SNX7: variants seen among roughly 807,000 people sequenced by gnomAD.
SNX7 encodes sorting nexin-7.
Under a neutral mutation model 48.4 loss-of-function variants are expected in SNX7, and 35 were observed. The observed-to-expected ratio is 0.72, with a 90% CI of 0.55 to 0.96. SNX7 has a LOEUF of 0.96. SNX7 is among the 40% of genes least tolerant of loss of function. The pLI is 0.00. For synonymous variants in SNX7, 190 were observed against 190.2 expected, an observed-to-expected ratio of 1.00 and a Z score of 0.01; for missense variants, 553 against 548.9, an observed-to-expected ratio of 1.01 and a Z score of -0.07.
chr1:98,663,252 GGTTTTTTTTTTTTTTTTTTTTTTTTTTT>G (rs1297009562), intron 1 of SNX7, among the ~76,000 whole-genome samples: 1 of 83,158 alleles, frequency 1.2e-5, no homozygotes, highest in East Asian at 4.0e-4. Context: ...GTTTCTTTCT[GGTTTTTTTTTTTTTTTTTTTTTTTTTTT>G]TTTTTTTTTT....
intron 7 of SNX7, among the ~76,000 whole-genome samples, chr1:98,731,658 T>C (rs1442841149): frequency 6.6e-6 from 1 of 152,126 alleles, no homozygotes; most frequent in Non-Finnish European, 1.5e-5. Flanking sequence ...ACCAAGGCTC[T>C]GTGGTGTAGC....
At chr1:98,672,900 C>T (rs11581182) in intron 1 of SNX7, among the ~76,000 whole-genome samples, 32,172 of 129,820 alleles carry the variant, frequency 0.25, 3,785 homozygotes, top group East Asian at 0.33. Context: ...GTCCGCAGTC[C>T]GGCCTGGGCG....
In SNX7 at chr1:98,691,086, G is replaced by C. The variant is rs555559249; in HGVS notation, c.375G>C (p.Gly125=). The change falls in exon 3 of 9, where the codon GGG becomes GGC. Residue 125 remains glycine, a synonymous_variant. Coordinates refer to ENST00000306121, the MANE Select transcript of SNX7 (RefSeq NM_015976.5). Reference sequence around the variant, plus strand: ...CTTACTTTCTTCAGACATCTCGTGGGGAATTTGACTCCAGTGAATTTGAAG... The same window carrying C: ...CTTACTTTCTTCAGACATCTCGTGGCGAATTTGACTCCAGTGAATTTGAAG... ...TYRIITKTSR[G]EFDSSEFEVR... 28 of 1,604,050 alleles carry C rather than the reference G, an allele frequency of 1.7e-5. No homozygotes were observed. The South Asian group carries it at 3.0e-4, about 17-fold the overall frequency.
chr1:98,717,149 A>C (rs1652636457), intron 7 of SNX7, among the ~76,000 whole-genome samples: 1 of 152,140 alleles, frequency 6.6e-6, no homozygotes, highest in African/African-American at 2.4e-5. Flanking sequence ...TTATGTGTTA[A>C]CTAGATCAAC....
intron 1 of SNX7, chr1:98,662,949 A>AT: frequency 1.3e-6 from 1 of 780,650 alleles, no homozygotes; most frequent in South Asian, 1.8e-5. Flanking sequence ...AAATGGAATG[A>AT]TAGGCCCAGG....
intron 1 of SNX7, among the ~76,000 whole-genome samples, chr1:98,677,945 G>C (rs1193890574): frequency 6.6e-6 from 1 of 151,274 alleles, no homozygotes; most frequent in Non-Finnish European, 1.5e-5. Context: ...TTTTATATCT[G>C]TATCTAGCCA....
chr1:98,694,826 T>G (rs1651362323), intron 4 of SNX7, among the ~76,000 whole-genome samples: 1 of 151,752 alleles, frequency 6.6e-6, no homozygotes, highest in South Asian at 2.1e-4. Flanking sequence ...GCCAGGGTAG[T>G]CTCGATCTCC....
In SNX7 at chr1:98,664,554, ATTATT is replaced by A. The variant is rs1221942696; in HGVS notation, c.180+2646_180+2650del. On this transcript the variant is annotated intron_variant, in intron 1 of 8. Coordinates refer to ENST00000306121, the MANE Select transcript of SNX7 (RefSeq NM_015976.5). ...CAAAAGAAAAACAAAACAACTTCTT[ATTATT>A]TTTTTTCCACAACGTATTACAAGTA... 4.6e-5 allele frequency among the ~76,000 whole-genome samples: 7 copies of A among 152,234 alleles called. No homozygotes were observed. In the East Asian group the frequency reaches 1.3e-3, roughly 29 times the overall value.
chr1:98,722,589 T>G (rs1228084244), intron 7 of SNX7, among the ~76,000 whole-genome samples: 1 of 152,118 alleles, frequency 6.6e-6, no homozygotes, highest in African/African-American at 2.4e-5. Context: ...CCAGCTTTTC[T>G]GATTATGAAG....
intron 2 of SNX7, among the ~76,000 whole-genome samples, chr1:98,687,643 G>C (rs1333365302): frequency 6.6e-6 from 1 of 152,034 alleles, no homozygotes; most frequent in East Asian, 1.9e-4. Flanking sequence ...TCTGAAGAAG[G>C]GGTGTTTGCA....
Position 98,670,645 on chromosome 1 carries a change from T to C in SNX7, c.180+8734T>C, listed in dbSNP as rs1649798591. Among the ~76,000 whole-genome samples, 4 of 152,306 alleles carry C rather than the reference T, an allele frequency of 2.6e-5. No individual in the cohort carries two copies. The South Asian group carries it at 8.3e-4, about 32-fold the overall frequency. ...GATCAATAGGCTATACCATCTAGCC[T>C]ATGTATGAAGTAGGGTATATGATCT... On this transcript the variant is annotated intron_variant, in intron 1 of 8. Transcript: ENST00000306121.
At chr1:98,710,801 G>C (rs1186309339) in intron 7 of SNX7, among the ~76,000 whole-genome samples, 1 of 152,126 alleles carries the variant, frequency 6.6e-6, no homozygotes, top group East Asian at 1.9e-4. Flanking sequence ...CCAGGAGAAG[G>C]CTTTGATTCA....
intron 7 of SNX7, among the ~76,000 whole-genome samples, chr1:98,707,046 C>G (rs1425879991): frequency 6.6e-6 from 1 of 152,094 alleles, no homozygotes; most frequent in Non-Finnish European, 1.5e-5. Flanking sequence ...GTATTTAAAG[C>G]TATAACATTT....
At chr1:98,709,229 C>T (rs1321703789) in intron 7 of SNX7, among the ~76,000 whole-genome samples, 1 of 152,164 alleles carries the variant, frequency 6.6e-6, no homozygotes, top group Admixed American at 6.6e-5. Context: ...GTTAAAGGAA[C>T]TTTCTTTGAA....
intron 1 of SNX7, among the ~76,000 whole-genome samples, chr1:98,676,703 T>A (rs1013723715): frequency 2.0e-5 from 3 of 152,198 alleles, no homozygotes; most frequent in Non-Finnish European, 4.4e-5. Flanking sequence ...TGATTTCATC[T>A]TTTTTTCCTA....
At chr1:98,677,977 CTGTG>C (rs150326628) in intron 1 of SNX7, among the ~76,000 whole-genome samples, 2,850 of 142,944 alleles carry the variant, frequency 0.02, 92 homozygotes, top group African/African-American at 0.074. Flanking sequence ...CTGTATGAGT[CTGTG>C]TGTGTGTGCG....
chr1:98,727,201 C>T (rs1343844798), intron 7 of SNX7, among the ~76,000 whole-genome samples: 2 of 137,602 alleles, frequency 1.5e-5, no homozygotes, highest in Admixed American at 7.3e-5. Context: ...CACAGCGAGA[C>T]TCTGTCTCAA....
chr1:98,679,615 G>T (rs1254235943), intron 1 of SNX7, among the ~76,000 whole-genome samples: 1 of 152,176 alleles, frequency 6.6e-6, no homozygotes, highest in Non-Finnish European at 1.5e-5. Flanking sequence ...CAGACATTGG[G>T]TAAATATACC....
At chr1:98,690,069 C>T (rs1310337298) in intron 2 of SNX7, among the ~76,000 whole-genome samples, 1 of 152,060 alleles carries the variant, frequency 6.6e-6, no homozygotes, top group Non-Finnish European at 1.5e-5. Flanking sequence ...TTGAAGATTG[C>T]ATCTTATGAC....
Sources: allele counts gnomAD v4.1 joint callset (sites outside exome capture counted in the v4.1 genomes callset), GRCh38; gene constraint gnomAD v4.1.1; transcripts MANE v1.5; gene names NCBI Gene and HGNC (gene_info 2026-07-23, HGNC 2026-07-21).